The following ATP11A variants were observed in gnomAD, a reference collection of about 807,000 sequenced individuals.
ATP11A encodes phospholipid-transporting ATPase IH.
ATP11A carries 81 observed loss-of-function variants against 154.4 expected under a neutral mutation model. That is an observed-to-expected ratio of 0.52 (90% CI 0.44 to 0.63). The LOEUF (loss-of-function observed/expected upper bound fraction) is 0.63, where lower values mean the gene tolerates loss of function less well. Ranked by LOEUF, ATP11A falls within the 30% of genes least tolerant of loss-of-function variation. ATP11A has a pLI of 0.00. For synonymous variants in ATP11A, 623 were observed against 585.9 expected (o/e 1.06, Z -0.91); for missense variants, 1,316 against 1,474.3 (o/e 0.89, Z 1.76).
intron 1 of ATP11A, among the ~76,000 whole-genome samples, chr13:112,768,016 G>C (rs759139328): frequency 2.0e-5 from 3 of 152,192 alleles, no homozygotes; most frequent in Admixed American, 6.5e-5. Flanking sequence ...CTTGGTGGTG[G>C]CTTTGGTGGC....
Position 112,882,029 on chromosome 13 carries a change from A to G in ATP11A, c.*163A>G, listed in dbSNP as rs750208366. 4 of 1,367,612 alleles carry G rather than the reference A, an allele frequency of 2.9e-6. No homozygotes were observed. The Admixed American group carries it at 7.6e-5, about 26-fold the overall frequency. The allele number at this position is 1,367,612 out of a possible 1,614,324, so 84.7% of individuals were successfully genotyped here. ...CCACTGCAGTTCCATCCCAAGTCAC[A>G]GCTGCCCTAGGTCCCGTGTGGGAAT... On this transcript the variant is annotated 3_prime_UTR_variant, in exon 30 of 30. Coordinates refer to ENST00000375645, the MANE Select transcript of ATP11A (RefSeq NM_015205.3). This position sits in a 1 kb window ranked among gnomAD's most constrained non-coding sequence, Gnocchi z 5.1.
At chr13:112,762,779 G>A (rs759342784) in intron 1 of ATP11A, among the ~76,000 whole-genome samples, 1 of 152,202 alleles carries the variant, frequency 6.6e-6, no homozygotes, top group Non-Finnish European at 1.5e-5. Context: ...CAAACAAAAA[G>A]TGTCTCTTTA....
At chr13:112,732,794 G>A (rs1297256846) in intron 1 of ATP11A, among the ~76,000 whole-genome samples, 1 of 152,052 alleles carries the variant, frequency 6.6e-6, no homozygotes, top group Admixed American at 6.6e-5. Flanking sequence ...ATATTTTTTT[G>A]TCGAGATGGG....
rs370626808 is a variant in ATP11A at position 112,805,662 on chromosome 13, G to A, written c.253-551G>A. Among the ~76,000 whole-genome samples, 231 of 129,014 alleles carry A rather than the reference G, an allele frequency of 1.8e-3. 1 individual carries two copies. The highest frequency in any genetic ancestry group is 6.2e-3 in the African/African-American group (211 of 34,030). 84.6% of individuals were successfully genotyped at this position (129,014 alleles called of 152,430 possible). A position where few individuals can be genotyped will look rare whatever the true frequency, so the allele number is the denominator to read the frequency against. Reference sequence around the variant, plus strand: ...CTACACTCCAGCCTGGCGACAGAGCGAGACTGTCTCAAAAAAAAAAAAAAA... The same window carrying A: ...CTACACTCCAGCCTGGCGACAGAGCAAGACTGTCTCAAAAAAAAAAAAAAA... On this transcript the variant is annotated intron_variant, in intron 3 of 29. Coordinates refer to ENST00000375645, the MANE Select transcript of ATP11A (RefSeq NM_015205.3).
intron 1 of ATP11A, among the ~76,000 whole-genome samples, chr13:112,733,581 T>C (rs1890704654): frequency 6.6e-6 from 1 of 152,244 alleles, no homozygotes; most frequent in Non-Finnish European, 1.5e-5. Context: ...GCTAACAGGT[T>C]AAATGGTTTG....
intron 1 of ATP11A, among the ~76,000 whole-genome samples, chr13:112,766,822 TGGG>T (rs1369500903): frequency 3.5e-4 from 2 of 5,746 alleles, no homozygotes; most frequent in African/African-American, 6.5e-3. Flanking sequence ...TGTGGGAAGG[TGGG>T]GAGATGTGGG....
intron 8 of ATP11A, among the ~76,000 whole-genome samples, chr13:112,821,291 C>A (rs2078791109): frequency 2.0e-5 from 3 of 152,114 alleles, no homozygotes; most frequent in Admixed American, 2.0e-4. Flanking sequence ...GATACTAACT[C>A]TGGTTTCACT....
chr13:112,858,350 G>C, intron 22 of ATP11A, 60 bp downstream of exon 22: 1 of 1,528,482 alleles, frequency 6.5e-7, no homozygotes, highest in Non-Finnish European at 8.8e-7. Context: ...AGGGTGGCAC[G>C]ACCCTTGTCT....
At chr13:112,768,431 AT>A (rs2077149044) in intron 1 of ATP11A, among the ~76,000 whole-genome samples, 1 of 152,236 alleles carries the variant, frequency 6.6e-6, no homozygotes, top group Non-Finnish European at 1.5e-5. Flanking sequence ...CAGACAGCGC[AT>A]TCACAGACTG....
chr13:112,812,896 C>T (rs1196388912), intron 5 of ATP11A, among the ~76,000 whole-genome samples: 2 of 152,186 alleles, frequency 1.3e-5, no homozygotes, highest in Non-Finnish European at 2.9e-5. Context: ...AGGCCTTCAA[C>T]GCCATTTCCT....
At chr13:112,709,158 A>AT (rs201260159) in intron 1 of ATP11A, among the ~76,000 whole-genome samples, 10 of 151,752 alleles carry the variant, frequency 6.6e-5, no homozygotes, top group South Asian at 2.1e-4. Flanking sequence ...CTAAGCTCTG[A>AT]TTTTTTTTTA....
Position 112,697,041 on chromosome 13 carries a change from TG to T in ATP11A, c.39+6589del, listed in dbSNP as rs1885931193. 1 of 152,076 alleles carries T rather than the reference TG, an allele frequency of 6.6e-6. No individual in the cohort carries two copies. The highest frequency in any genetic ancestry group is 6.6e-5 in the Admixed American group (1 of 15,242). 9.4% of individuals were successfully genotyped at this position (152,076 alleles called of 1,614,324 possible). On this transcript the variant is annotated intron_variant, in intron 1 of 29. Transcript: ENST00000375645. This position sits in a 1 kb window ranked among gnomAD's most constrained non-coding sequence, Gnocchi z 4.0. ...CGTGGGGCGCAGTGCTTGCGCGCAG[TG>T]GGTGGCGGGGTGGACGAGGTGAGGG...
At chr13:112,808,258 C>T (rs2078380367) in intron 4 of ATP11A, among the ~76,000 whole-genome samples, 2 of 152,094 alleles carry the variant, frequency 1.3e-5, no homozygotes, top group Admixed American at 1.3e-4. Flanking sequence ...CCCCTCCCAT[C>T]CCAGGGCAGT....
intron 8 of ATP11A, among the ~76,000 whole-genome samples, chr13:112,822,847 T>C (rs2078834608): frequency 6.6e-6 from 1 of 152,104 alleles, no homozygotes; most frequent in South Asian, 2.1e-4. Flanking sequence ...GACCTTCCAG[T>C]GCAGCTGTTC....
rs1885967841 is a variant in ATP11A at position 112,697,197 on chromosome 13, G to C, written c.39+6742G>C. 6.6e-6 allele frequency among the ~76,000 whole-genome samples: 1 copy of C among 152,174 alleles called. No individual in the cohort carries two copies. The highest frequency in any genetic ancestry group is 2.4e-5 in the African/African-American group (1 of 41,448). On this transcript the variant is annotated intron_variant, in intron 1 of 29. Coordinates refer to ENST00000375645, the MANE Select transcript of ATP11A (RefSeq NM_015205.3). The surrounding 1 kb of genome is among the most constrained non-coding windows in gnomAD (Gnocchi z 4.0). ...GGCTGGCCGCCCCTCGGTGGGCTCC[G>C]GTGCTGGCCTCTGCCTTCCCCAGGG...
intron 28 of ATP11A, among the ~76,000 whole-genome samples, chr13:112,876,759 G>A (rs553617866): frequency 2.0e-5 from 3 of 152,364 alleles, no homozygotes; most frequent in African/African-American, 4.8e-5. Flanking sequence ...AGGCTCCCCA[G>A]GTGGGAGGAA....
intron 19 of ATP11A, among the ~76,000 whole-genome samples, chr13:112,855,473 C>T (rs2079895046): frequency 6.6e-6 from 1 of 152,216 alleles, no homozygotes; most frequent in African/African-American, 2.4e-5. Context: ...CCACCGCATC[C>T]AGCCTTCTTG....
intron 25 of ATP11A, among the ~76,000 whole-genome samples, chr13:112,865,376 A>G (rs574806939): frequency 6.0e-4 from 80 of 133,138 alleles, no homozygotes; most frequent in African/African-American, 1.9e-3. Flanking sequence ...AGTGCAGGCC[A>G]TGCAGCTTCT....
intron 1 of ATP11A, among the ~76,000 whole-genome samples, chr13:112,719,898 T>C (rs1415236889): frequency 6.6e-6 from 1 of 151,886 alleles, no homozygotes; most frequent in South Asian, 2.1e-4. Flanking sequence ...TCCCATAATT[T>C]AAAAAAAAGT....
Sources: allele counts gnomAD v4.1 joint callset (sites outside exome capture counted in the v4.1 genomes callset), GRCh38; gene constraint gnomAD v4.1.1; non-coding constraint Gnocchi (gnomAD v3.1); transcripts MANE v1.5; gene names NCBI Gene and HGNC (gene_info 2026-07-23, HGNC 2026-07-21).